The following DCHS2 variants were observed in gnomAD, a reference collection of about 807,000 sequenced individuals.
The protein encoded by DCHS2 is protocadherin-23.
DCHS2 carries 142 observed loss-of-function variants against 182.4 expected under a neutral mutation model. The ratio of observed to expected loss-of-function variants is 0.78; its 90% CI spans 0.68 to 0.89. The LOEUF (loss-of-function observed/expected upper bound fraction) is 0.89, where lower values mean the gene tolerates loss of function less well. DCHS2 is among the 40% of genes least tolerant of loss of function. DCHS2 has a pLI of 0.00. For synonymous variants in DCHS2, 1,740 were observed against 1,663.3 expected (o/e 1.05, Z -1.12); for missense variants, 4,319 against 4,198.6 (o/e 1.03, Z -0.79).
chr4:154,348,608 C>T (rs950432137), intron 3 of DCHS2, among the ~76,000 whole-genome samples: 3 of 151,714 alleles, frequency 2.0e-5, no homozygotes, highest in African/African-American at 7.3e-5. Context: ...GGTGTCCACA[C>T]ACAAGGAAGG....
intron 10 of DCHS2, among the ~76,000 whole-genome samples, chr4:154,310,509 C>A (rs970338768): frequency 6.6e-6 from 1 of 152,160 alleles, no homozygotes; most frequent in South Asian, 2.1e-4. Context: ...GTATGACATG[C>A]TCACCAAACA....
intron 2 of DCHS2, among the ~76,000 whole-genome samples, chr4:154,373,249 C>T (rs893616964): frequency 6.6e-6 from 1 of 152,096 alleles, no homozygotes; most frequent in Admixed American, 6.6e-5. Context: ...TCTTTACCAA[C>T]CTTTTTGACT....
At chr4:154,309,874 G>A (rs1280032537) in intron 10 of DCHS2, among the ~76,000 whole-genome samples, 1 of 152,160 alleles carries the variant, frequency 6.6e-6, no homozygotes, top group African/African-American at 2.4e-5. Flanking sequence ...CCACATAATA[G>A]TAAAAAGGAC....
At chr4:154,260,116 C>G (rs1057356282) in intron 14 of DCHS2, among the ~76,000 whole-genome samples, 13 of 152,328 alleles carry the variant, frequency 8.5e-5, no homozygotes, top group Non-Finnish European at 2.9e-5. Context: ...GCCACAGCAC[C>G]TGGCCATAGT....
chr4:154,328,156 TTG>T lies in DCHS2; in HGVS notation c.3953_3954del (p.Thr1318AsnfsTer8). 2 of 1,609,490 alleles carry T rather than the reference TTG, an allele frequency of 1.2e-6. No individual in the cohort carries two copies. Among genetic ancestry groups the T allele is most frequent in the Non-Finnish European group, 1.7e-6 (2 of 1,177,922 alleles). ...TCATCAGGATCCTTTGCAAACACAG[TTG>T]TAACCAACATATTTACTGGTTGACC... The part of the protein sequence containing the change: ...LEGQPVNMLV[T>X]TVFAKDPDEG... On this transcript the variant is annotated frameshift_variant, in exon 7 of 20. Coordinates refer to ENST00000357232, the MANE Select transcript of DCHS2 (RefSeq NM_001358235.2). LOFTEE classifies it high-confidence loss of function.
chr4:154,275,300 T>C (rs919404037), intron 13 of DCHS2, among the ~76,000 whole-genome samples: 5 of 152,070 alleles, frequency 3.3e-5, no homozygotes, highest in African/African-American at 1.2e-4. Context: ...CTGAATATAT[T>C]ACTCTCTTTA....
At chr4:154,270,102 C>A in intron 13 of DCHS2, 89 bp from the exon 14 acceptor site, 1 of 1,439,648 alleles carries the variant, frequency 6.9e-7, no homozygotes, top group Non-Finnish European at 9.3e-7. Context: ...TATTATTTGC[C>A]TACTATGTTT....
At chr4:154,269,797 C>T in intron 14 of DCHS2, 103 bp downstream of exon 14, 12 of 1,404,292 alleles carry the variant, frequency 8.5e-6, no homozygotes, top group South Asian at 4.2e-5. Flanking sequence ...TCTTGCTTAC[C>T]TTTTAAATTA....
chr4:154,393,293 GT>G (rs1333613408), intron 1 of DCHS2, among the ~76,000 whole-genome samples: 1 of 152,106 alleles, frequency 6.6e-6, no homozygotes, highest in Non-Finnish European at 1.5e-5. Flanking sequence ...ACTTCTACAT[GT>G]TGATTCAAGT....
Position 154,261,576 on chromosome 4 carries a change from G to C in DCHS2, c.6578-1820C>G, listed in dbSNP as rs1235608492. 2.0e-5 allele frequency among the ~76,000 whole-genome samples: 3 copies of C among 152,094 alleles called. No homozygotes were observed. The East Asian group carries it at 5.8e-4, about 29-fold the overall frequency. ...AGATAACCTAGTCCAAGAAGCTTTA[G>C]GTCATCTGGCACCTACTTGAATTCT... On this transcript the variant is annotated intron_variant, in intron 14 of 19. Transcript: ENST00000357232.
intron 1 of DCHS2, among the ~76,000 whole-genome samples, chr4:154,404,192 C>T (rs1419464893): frequency 6.6e-6 from 1 of 151,982 alleles, no homozygotes; most frequent in African/African-American, 2.4e-5. Context: ...AACTGAAGTT[C>T]ACAAATTTTT....
rs541562262 is a variant in DCHS2 at position 154,420,769 on chromosome 4, A to C, written c.2053-43325T>G. On this transcript the variant is annotated intron_variant, in intron 1 of 19. Transcript: ENST00000357232. The stretch of plus-strand genomic sequence containing the variant: ...CAGAAACACTCTCACAGCCATACCC[A>C]GAAGTAATGTTTTTCCAGATACCTG... 7.7e-4 allele frequency among the ~76,000 whole-genome samples: 117 copies of C among 152,316 alleles called. 1 individual carries two copies. Among genetic ancestry groups the C allele is most frequent in the Non-Finnish European group, 1.4e-3 (98 of 68,016 alleles).
At chr4:154,320,282 T>G in intron 9 of DCHS2, 97 bp downstream of exon 9, 1 of 1,501,394 alleles carries the variant, frequency 6.7e-7, no homozygotes, top group Non-Finnish European at 8.8e-7. Flanking sequence ...AACAACAATG[T>G]ATTGTACACT....
chr4:154,391,249 T>A, intron 1 of DCHS2: 1 of 1,611,666 alleles, frequency 6.2e-7, no homozygotes, highest in Non-Finnish European at 8.5e-7. Context: ...GTAAACATCT[T>A]CTTTTCTCCG....
intron 9 of DCHS2, 81 bp downstream of exon 9, chr4:154,320,298 C>G (rs1736006326): frequency 6.6e-7 from 1 of 1,524,400 alleles, no homozygotes; most frequent in Admixed American, 2.1e-5. Context: ...ACACTTAAAA[C>G]TTTGTTAGGA....
intron 12 of DCHS2, among the ~76,000 whole-genome samples, chr4:154,300,405 G>A (rs1401312970): frequency 1.3e-5 from 2 of 151,404 alleles, no homozygotes; most frequent in Non-Finnish European, 2.9e-5. Flanking sequence ...TTAGAAAATA[G>A]GATGGTTCCT....
At chr4:154,269,752 C>T (rs1328397121) in intron 14 of DCHS2, 148 bp downstream of exon 14, 9 of 807,124 alleles carry the variant, frequency 1.1e-5, no homozygotes, top group Non-Finnish European at 1.7e-5. Context: ...TTTTGATTTC[C>T]CATAATTTTT....
chr4:154,342,622 A>G (rs1729161248), intron 3 of DCHS2, among the ~76,000 whole-genome samples: 1 of 152,228 alleles, frequency 6.6e-6, no homozygotes, highest in Non-Finnish European at 1.5e-5. Context: ...GCTCATCCAA[A>G]AAAGCAATTC....
chr4:154,457,754 G>A (rs913177618), intron 1 of DCHS2, among the ~76,000 whole-genome samples: 1 of 152,270 alleles, frequency 6.6e-6, no homozygotes, highest in Admixed American at 6.5e-5. Flanking sequence ...GCTTGTTAAA[G>A]CACAAATTGC....
Sources: gnomAD v4.1 joint callset for allele counts (sites outside exome capture counted in the v4.1 genomes callset) on GRCh38, gnomAD v4.1.1 for gene constraint, MANE v1.5 for transcripts, NCBI Gene and HGNC (gene_info 2026-07-23, HGNC 2026-07-21) for gene names.